PIAS1: variants seen among roughly 807,000 people sequenced by gnomAD.
PIAS1 encodes protein inhibitor of activated STAT 1, also known as E3 SUMO-protein ligase PIAS1.
Under a neutral mutation model 71.3 loss-of-function variants are expected in PIAS1, and 6 were observed. The ratio of observed to expected loss-of-function variants is 0.08; its 90% confidence interval spans 0.05 to 0.17. PIAS1 has a LOEUF of 0.17. Ranked by LOEUF, PIAS1 falls within the 10% of genes least tolerant of loss-of-function variation. The pLI is 1.00. For synonymous variants in PIAS1, 303 were observed against 292.9 expected, an observed-to-expected ratio of 1.03 and a Z score of -0.35; for missense variants, 555 against 793.6, an observed-to-expected ratio of 0.70 and a Z score of 3.61.
intron 2 of PIAS1, among the ~76,000 whole-genome samples, chr15:68,127,869 TCTC>T (rs2092662340): frequency 6.6e-6 from 1 of 152,138 alleles, no homozygotes. Context: ...TTCAAGCAAT[TCTC>T]CTGCTTCAGC....
At chr15:68,112,610 G>A (rs929060311) in intron 2 of PIAS1, among the ~76,000 whole-genome samples, 1 of 152,082 alleles carries the variant, frequency 6.6e-6, no homozygotes, top group Non-Finnish European at 1.5e-5. Context: ...TCACAATACA[G>A]AAAAAGGCCA....
rs1192843029 is a variant in PIAS1 at position 68,186,437 on chromosome 15, TTAAG to T, written c.1663-1103_1663-1100del. Among the ~76,000 whole-genome samples the T allele has an allele frequency of 3.9e-5, 6 of 152,372 alleles. No individual in the cohort carries two copies. The highest frequency in any genetic ancestry group is 7.2e-5 in the African/African-American group (3 of 41,586). Reference sequence around the variant, plus strand: ...CTGTACAATGTACTTGTGTTTTAAATTAAGTGTTACAAGAGTCAAAGTTTTAAAA... The same window carrying T: ...CTGTACAATGTACTTGTGTTTTAAATTGTTACAAGAGTCAAAGTTTTAAAA... On this transcript the variant is annotated intron_variant, in intron 13 of 13. Transcript: ENST00000249636. This position sits in a 1 kb window ranked among gnomAD's most constrained non-coding sequence, Gnocchi z 4.4.
intron 2 of PIAS1, among the ~76,000 whole-genome samples, chr15:68,101,444 C>CT (rs1465920206): frequency 6.1e-5 from 9 of 147,014 alleles, no homozygotes; most frequent in South Asian, 4.3e-4. Context: ...TGTAACTTGT[C>CT]TTTTTTTTTG....
At chr15:68,165,087 A>T (rs2092948776) in intron 8 of PIAS1, among the ~76,000 whole-genome samples, 1 of 152,098 alleles carries the variant, frequency 6.6e-6, no homozygotes, top group Non-Finnish European at 1.5e-5. Flanking sequence ...TTATTGTCTC[A>T]GTGTATTTAT....
intron 4 of PIAS1, among the ~76,000 whole-genome samples, chr15:68,144,698 T>G (rs562378366): frequency 2.0e-5 from 3 of 152,160 alleles, no homozygotes; most frequent in Non-Finnish European, 2.9e-5. Context: ...GACATCTGTT[T>G]GCTAAGTATA....
chr15:68,175,433 T>C (rs969923690), intron 9 of PIAS1, among the ~76,000 whole-genome samples: 2 of 152,196 alleles, frequency 1.3e-5, no homozygotes, highest in African/African-American at 4.8e-5. Flanking sequence ...TTTTCTCACT[T>C]TTTGTGAACA....
intron 6 of PIAS1, among the ~76,000 whole-genome samples, chr15:68,152,983 T>C (rs2092859175): frequency 6.6e-6 from 1 of 151,806 alleles, no homozygotes; most frequent in East Asian, 1.9e-4. Context: ...ATCTGTTCAT[T>C]TGCCAAACCA....
At chr15:68,132,550 A>G (rs2092695628) in intron 2 of PIAS1, among the ~76,000 whole-genome samples, 1 of 151,980 alleles carries the variant, frequency 6.6e-6, no homozygotes, top group African/African-American at 2.4e-5. Flanking sequence ...AAGATCTACA[A>G]ATATTCTTGT....
intron 1 of PIAS1, among the ~76,000 whole-genome samples, chr15:68,065,291 TAAAAG>T (rs985686832): frequency 1.3e-5 from 2 of 151,926 alleles, no homozygotes; most frequent in African/African-American, 4.8e-5. Context: ...TTTTATAACT[TAAAAG>T]GAAAAATAAG....
chr15:68,121,303 A>G (rs1344563152), intron 2 of PIAS1, among the ~76,000 whole-genome samples: 2 of 146,314 alleles, frequency 1.4e-5, no homozygotes, highest in East Asian at 4.0e-4. Flanking sequence ...ATTTTACTCC[A>G]CTTCTTACTC....
Position 68,188,924 on chromosome 15 carries a change from C to T in PIAS1, c.*1089C>T, listed in dbSNP as rs899272260. On this transcript the variant is annotated 3_prime_UTR_variant, in exon 14 of 14. Coordinates refer to ENST00000249636, the MANE Select transcript of PIAS1 (RefSeq NM_016166.3). The stretch of plus-strand genomic sequence containing the variant: ...AAAGAAAGATACACGGTCAGTTATC[C>T]TAAAAATAAATTGTTTGGAAAGTAC... 1 of 152,092 alleles carries T rather than the reference C, an allele frequency of 6.6e-6. No individual in the cohort carries two copies. Among genetic ancestry groups the T allele is most frequent in the Non-Finnish European group, 1.5e-5 (1 of 68,008 alleles). The allele number at this position is 152,092 out of a possible 1,614,324, so 9.4% of individuals were successfully genotyped here.
chr15:68,094,668 T>C (rs1477407846), intron 2 of PIAS1, among the ~76,000 whole-genome samples: 2 of 152,194 alleles, frequency 1.3e-5, no homozygotes, highest in Admixed American at 6.5e-5. Flanking sequence ...GGACGCAGGC[T>C]CTGATAACTA....
intron 6 of PIAS1, among the ~76,000 whole-genome samples, chr15:68,151,360 T>G (rs2092842690): frequency 6.6e-6 from 1 of 152,096 alleles, no homozygotes; most frequent in Admixed American, 6.6e-5. Flanking sequence ...AGTTTCTGCT[T>G]GATCTCTTCT....
intron 1 of PIAS1, among the ~76,000 whole-genome samples, chr15:68,079,021 T>C (rs762673770): frequency 3.4e-5 from 5 of 148,744 alleles, no homozygotes; most frequent in African/African-American, 1.2e-4. Context: ...TAAGGAATCT[T>C]TGAGAACCTC....
In PIAS1 at chr15:68,054,372, C is replaced by T. The variant is rs1296600612; in HGVS notation, c.24+22C>T. On this transcript the variant is annotated intron_variant, in intron 1 of 13. Coordinates refer to ENST00000249636, the MANE Select transcript of PIAS1 (RefSeq NM_016166.3). The surrounding 1 kb of genome is among the most constrained non-coding windows in gnomAD (Gnocchi z 4.6). ...AAAGGTAAAGCGCAGCTCGAATTCA[C>T]TTCTAATATTCGGCCGCGGAGACGG... 3 of 1,565,658 alleles carry T rather than the reference C, an allele frequency of 1.9e-6. No individual in the cohort carries two copies. Among genetic ancestry groups the T allele is most frequent in the South Asian group, 1.2e-5 (1 of 85,012 alleles).
chr15:68,154,591 C>G (rs2092874452), intron 7 of PIAS1, among the ~76,000 whole-genome samples: 1 of 152,196 alleles, frequency 6.6e-6, no homozygotes, highest in Non-Finnish European at 1.5e-5. Context: ...GCTATTACCC[C>G]TTTCTGTAAC....
intron 6 of PIAS1, among the ~76,000 whole-genome samples, chr15:68,148,710 G>GCC (rs1314912284): frequency 2.0e-5 from 3 of 152,220 alleles, no homozygotes; most frequent in African/African-American, 7.2e-5. Flanking sequence ...ACAGGCATGA[G>GCC]CCACTGTGCC....
intron 1 of PIAS1, among the ~76,000 whole-genome samples, chr15:68,060,888 T>G (rs1222153145): frequency 6.6e-6 from 1 of 152,242 alleles, no homozygotes; most frequent in Non-Finnish European, 1.5e-5. Flanking sequence ...TTCACCATGT[T>G]GGCCAGGTTG....
chr15:68,097,455 G>A lies in PIAS1; in HGVS notation c.469+10705G>A, dbSNP rs374316258. ...TAATTTATTTATTTATTTTTGAGAC[G>A]GAGTTTTACTCTTGTCACCCAGGCT... On this transcript the variant is annotated intron_variant, in intron 2 of 13. Coordinates refer to ENST00000249636, the MANE Select transcript of PIAS1 (RefSeq NM_016166.3). Among the ~76,000 whole-genome samples, 135 of 151,790 alleles carry A rather than the reference G, an allele frequency of 8.9e-4. 2 individuals are homozygous for A. The highest frequency in any genetic ancestry group is 7.1e-3 in the South Asian group (34 of 4,792).
Sources: allele counts gnomAD v4.1 joint callset (sites outside exome capture counted in the v4.1 genomes callset), GRCh38; gene constraint gnomAD v4.1.1; non-coding constraint Gnocchi (gnomAD v3.1); transcripts MANE v1.5; gene names NCBI Gene and HGNC (gene_info 2026-07-23, HGNC 2026-07-21).